STK24: variants seen among roughly 807,000 people sequenced by gnomAD.
The protein encoded by STK24 is serine/threonine-protein kinase 24.
Under a neutral mutation model 55.6 loss-of-function variants are expected in STK24, and 21 were observed. The ratio of observed to expected loss-of-function variants is 0.38; its 90% confidence interval spans 0.27 to 0.54. The LOEUF is 0.54. Among genes scored for constraint, STK24 ranks in the 20% least tolerant of loss-of-function variants. The probability of loss-of-function intolerance (pLI) is 0.79; values close to 1 mark genes in which losing one functional copy is unlikely to be tolerated. For missense variants in STK24, 383 were observed against 538.4 expected, an observed-to-expected ratio of 0.71 and a Z score of 2.86; for synonymous variants, 200 against 215.2, an observed-to-expected ratio of 0.93 and a Z score of 0.62.
rs764309296 is a variant in STK24 at position 98,448,296 on chromosome 13, CAA to C, written c.*4875_*4876del. 4 of 1,613,810 alleles carry C rather than the reference CAA, an allele frequency of 2.5e-6. No homozygotes were observed. Among genetic ancestry groups the C allele is most frequent in the Admixed American group, 1.7e-5 (1 of 60,036 alleles). Reference sequence around the variant, plus strand: ...CCTCGCGACCCCACGTGTTGAGTCACAAAGAGTCTCTTGTGTATTGATGGCCG... The same window carrying C: ...CCTCGCGACCCCACGTGTTGAGTCACAGAGTCTCTTGTGTATTGATGGCCG... On this transcript the variant is annotated 3_prime_UTR_variant, in exon 11 of 11. Coordinates refer to ENST00000539966, the MANE Select transcript of STK24 (RefSeq NM_001032296.4).
chr13:98,456,137 C>T (rs1440570742), intron 10 of STK24: 1 of 156,340 alleles, frequency 6.4e-6, no homozygotes, highest in Non-Finnish European at 1.4e-5. Flanking sequence ...TACTAAGAAA[C>T]CCGAGTTCAG....
intron 1 of STK24, among the ~76,000 whole-genome samples, chr13:98,559,832 C>G (rs1897374227): frequency 1.3e-5 from 2 of 151,582 alleles, no homozygotes; most frequent in Non-Finnish European, 2.9e-5. Context: ...CTTCTCATAT[C>G]TCATATCACT....
Position 98,505,144 on chromosome 13 carries a change from C to A in STK24, c.273+14099G>T, listed in dbSNP as rs10508036. 3 of 152,270 alleles carry A rather than the reference C, an allele frequency of 2.0e-5. 1 individual carries two copies. The highest frequency in any genetic ancestry group is 4.8e-5 in the African/African-American group (2 of 41,560). The allele number at this position is 152,270 out of a possible 1,614,324, so 9.4% of individuals were successfully genotyped here. ...AAGTCTGTCAGCCTCTGAACGGGAT[C>A]TCAACTTTCAAAAGGAAAAGTGTCC... On this transcript the variant is annotated intron_variant, in intron 2 of 10. Transcript: ENST00000539966.
intron 1 of STK24, among the ~76,000 whole-genome samples, chr13:98,527,746 C>T (rs1282237321): frequency 6.6e-6 from 1 of 152,162 alleles, no homozygotes; most frequent in Admixed American, 6.5e-5. Flanking sequence ...GGGCCCAGCA[C>T]TGCCTCACCA....
At chr13:98,564,665 A>G (rs11843752) in intron 1 of STK24, among the ~76,000 whole-genome samples, 2,197 of 152,336 alleles carry the variant, frequency 0.014, 60 homozygotes, top group African/African-American at 0.049. Flanking sequence ...GAGAATTATC[A>G]GGTTCAGAGC....
intron 6 of STK24, among the ~76,000 whole-genome samples, chr13:98,465,373 G>C (rs890681211): frequency 9.9e-5 from 15 of 152,252 alleles, no homozygotes; most frequent in African/African-American, 3.6e-4. Flanking sequence ...GGAGCTCTGT[G>C]TGCTGGGGCA....
chr13:98,573,070 C>A (rs1470889838), intron 1 of STK24, among the ~76,000 whole-genome samples: 1 of 152,200 alleles, frequency 6.6e-6, no homozygotes. Context: ...GGATGTTCAA[C>A]AAGCATATAA....
In STK24 at chr13:98,446,527, T is replaced by G. The variant is rs112130888; in HGVS notation, c.*6646A>C. 6.1e-5 allele frequency: 51 copies of G among 835,294 alleles called. 1 individual carries two copies. The African/African-American group carries it at 6.5e-4, about 11-fold the overall frequency. 51.7% of individuals were successfully genotyped at this position (835,294 alleles called of 1,614,324 possible). A position where few individuals can be genotyped will look rare whatever the true frequency, so the allele number is the denominator to read the frequency against. ...CCATCACGTACAGGCAAACACTGGC[T>G]GCCATGGTCCCTTCCAGGCCCACGC... On this transcript the variant is annotated 3_prime_UTR_variant, in exon 11 of 11. Coordinates refer to ENST00000539966, the MANE Select transcript of STK24 (RefSeq NM_001032296.4).
intron 2 of STK24, among the ~76,000 whole-genome samples, chr13:98,507,547 T>C (rs1481486734): frequency 2.0e-5 from 3 of 152,260 alleles, no homozygotes; most frequent in Admixed American, 6.5e-5. Flanking sequence ...TTTCCAGCTC[T>C]AATTATCTTT....
At chr13:98,525,384 G>A (rs867129028) in intron 1 of STK24, among the ~76,000 whole-genome samples, 5 of 152,174 alleles carry the variant, frequency 3.3e-5, no homozygotes, top group Non-Finnish European at 5.9e-5. Context: ...GAATCAGGAC[G>A]CCCAAGGGCT....
At chr13:98,524,625 G>A (rs185773577) in intron 1 of STK24, among the ~76,000 whole-genome samples, 1 of 152,210 alleles carries the variant, frequency 6.6e-6, no homozygotes, top group Admixed American at 6.5e-5. Context: ...ATGCTAAATC[G>A]TTATTGTTTT....
rs991420489 is a variant in STK24 at position 98,463,617 on chromosome 13, C to T, written c.929+74G>A. 2.7e-6 allele frequency: 4 copies of T among 1,491,688 alleles called. No individual in the cohort carries two copies. The African/African-American group carries it at 4.3e-5, about 16-fold the overall frequency. The allele number at this position is 1,491,688 out of a possible 1,614,324, so 92.4% of individuals were successfully genotyped here. ...AAAAAAAACTCAACAGAAAACGAAA[C>T]CCACACCAAACAGTGACAAAGACCA... On this transcript the variant is annotated intron_variant, in intron 7 of 10. Coordinates refer to ENST00000539966, the MANE Select transcript of STK24 (RefSeq NM_001032296.4).
At chr13:98,527,456 G>T (rs775179877) in intron 1 of STK24, among the ~76,000 whole-genome samples, 3 of 152,178 alleles carry the variant, frequency 2.0e-5, no homozygotes, top group Non-Finnish European at 4.4e-5. Context: ...ATCATGCTCC[G>T]CGGGCCACCA....
intron 1 of STK24, among the ~76,000 whole-genome samples, chr13:98,532,479 A>C (rs940252499): frequency 1.1e-4 from 16 of 146,036 alleles, no homozygotes; most frequent in African/African-American, 3.8e-4. Flanking sequence ...CACCCATCCC[A>C]CACACACACA....
chr13:98,539,437 A>G (rs1896825943), intron 1 of STK24, among the ~76,000 whole-genome samples: 7 of 151,674 alleles, frequency 4.6e-5, no homozygotes, highest in Admixed American at 4.6e-4. Context: ...GTGCTCTCAC[A>G]GCATTTGAAA....
intron 1 of STK24, among the ~76,000 whole-genome samples, chr13:98,524,825 A>G (rs1400241895): frequency 6.6e-6 from 1 of 152,136 alleles, no homozygotes; most frequent in Non-Finnish European, 1.5e-5. Flanking sequence ...GAAAACAGCA[A>G]TTTTCACTCT....
intron 1 of STK24, among the ~76,000 whole-genome samples, chr13:98,574,923 C>T (rs530571373): frequency 6.6e-6 from 1 of 152,062 alleles, no homozygotes; most frequent in Non-Finnish European, 1.5e-5. Flanking sequence ...ACTGACTTCA[C>T]GGCACCAGCC....
intron 9 of STK24, among the ~76,000 whole-genome samples, chr13:98,458,267 TTCAAG>T (rs1371319610): frequency 6.6e-6 from 1 of 152,162 alleles, no homozygotes; most frequent in Non-Finnish European, 1.5e-5. Flanking sequence ...ATAAGAGCTG[TTCAAG>T]TCAAGATACA....
At chr13:98,484,247 T>C (rs1306781759) in intron 2 of STK24, among the ~76,000 whole-genome samples, 1 of 152,210 alleles carries the variant, frequency 6.6e-6, no homozygotes. Context: ...CAGTAAGCTC[T>C]TCCAGGAAAA....
Sources: gnomAD v4.1 joint callset for allele counts (sites outside exome capture counted in the v4.1 genomes callset) on GRCh38, gnomAD v4.1.1 for gene constraint, MANE v1.5 for transcripts, NCBI Gene and HGNC (gene_info 2026-07-23, HGNC 2026-07-21) for gene names.